Variants in ATOSA observed in about 807,000 individuals in gnomAD.
The protein encoded by ATOSA is atos homolog protein A.
At chr15:52,701,857 A>AC in the ATOSA span, among the ~76,000 whole-genome samples, 1 of 151,800 alleles carries the variant, frequency 6.6e-6, no homozygotes, top group Non-Finnish European at 1.5e-5. Context: ...AATAGAGAAG[A>AC]CCAGGGCCAA....
At chr15:52,611,741 A>G in the ATOSA span, 14 of 1,613,930 alleles carry the variant, frequency 8.7e-6, no homozygotes, top group Admixed American at 1.2e-4. Flanking sequence ...TTCCACAACA[A>G]TGTGACCTCA....
the ATOSA span, chr15:52,657,692 A>C: frequency 2.6e-5 from 4 of 152,208 alleles, no homozygotes; most frequent in Admixed American, 2.6e-4. Context: ...TTACTATCCC[A>C]GTTTTAATCA....
the ATOSA span, chr15:52,608,902 C>A: frequency 5.6e-6 from 9 of 1,608,200 alleles, no homozygotes; most frequent in Non-Finnish European, 7.6e-6. Flanking sequence ...CTGAAGATTG[C>A]CAAAGAATTT....
chr15:52,638,224 T>C, the ATOSA span, among the ~76,000 whole-genome samples: 13 of 152,232 alleles, frequency 8.5e-5, no homozygotes, highest in Non-Finnish European at 1.3e-4. Flanking sequence ...GAAGAAATTT[T>C]AAAGCAACAA....
the ATOSA span, among the ~76,000 whole-genome samples, chr15:52,637,051 A>G: frequency 6.6e-6 from 1 of 152,180 alleles, no homozygotes; most frequent in Non-Finnish European, 1.5e-5. Context: ...CACCTTACTA[A>G]GGGAAACTTA....
At chr15:52,618,666 A>T in the ATOSA span, among the ~76,000 whole-genome samples, 1 of 152,152 alleles carries the variant, frequency 6.6e-6, no homozygotes, top group Non-Finnish European at 1.5e-5. Context: ...CTGAACTGTT[A>T]AAAAAAGTAT....
chr15:52,700,913 A>G, the ATOSA span, among the ~76,000 whole-genome samples: 2 of 152,232 alleles, frequency 1.3e-5, no homozygotes, highest in Non-Finnish European at 2.9e-5. Context: ...AGTTCCCCCT[A>G]AGTTAACTTA....
At chr15:52,608,482 G>A in the ATOSA span, 1 of 1,327,364 alleles carries the variant, frequency 7.5e-7, no homozygotes, top group Non-Finnish European at 1.0e-6. Flanking sequence ...GGAACCTTGG[G>A]CCTTTATAAC....
At chr15:52,662,062 G>C in the ATOSA span, among the ~76,000 whole-genome samples, 2 of 152,068 alleles carry the variant, frequency 1.3e-5, no homozygotes, top group Admixed American at 1.3e-4. Context: ...CAAAGAGGTT[G>C]GTGATTATTC....
chr15:52,639,669 A>T, the ATOSA span, among the ~76,000 whole-genome samples: 2 of 152,218 alleles, frequency 1.3e-5, no homozygotes, highest in African/African-American at 2.4e-5. Flanking sequence ...CTTGTGGATC[A>T]ATCATGCAGT....
chr15:52,628,723 AAT>A, the ATOSA span, among the ~76,000 whole-genome samples: 13 of 152,222 alleles, frequency 8.5e-5, no homozygotes, highest in Non-Finnish European at 1.6e-4. Flanking sequence ...CAAAGAAATG[AAT>A]ATGTCATGTG....
the ATOSA span, chr15:52,586,569 C>T: frequency 6.6e-6 from 1 of 152,254 alleles, no homozygotes; most frequent in Admixed American, 6.5e-5. Context: ...GCCTTAATAT[C>T]AGATTATTCT....
At chr15:52,628,112 C>T in the ATOSA span, among the ~76,000 whole-genome samples, 11 of 152,156 alleles carry the variant, frequency 7.2e-5, no homozygotes, top group African/African-American at 2.7e-4. Context: ...TTAATTCTCT[C>T]CAGTGCTCTA....
chr15:52,599,609 T>C, the ATOSA span, among the ~76,000 whole-genome samples: 1 of 152,204 alleles, frequency 6.6e-6, no homozygotes. Context: ...AAACCCATGA[T>C]TTCTACTTGA....
At chr15:52,591,780 T>A in the ATOSA span, among the ~76,000 whole-genome samples, 1 of 152,218 alleles carries the variant, frequency 6.6e-6, no homozygotes, top group African/African-American at 2.4e-5. Context: ...TTCAAAATAA[T>A]TCTGGAAAAG....
the ATOSA span, chr15:52,582,324 A>G: frequency 6.5e-7 from 1 of 1,546,420 alleles, no homozygotes; most frequent in Non-Finnish European, 8.7e-7. Flanking sequence ...AAATAAACAA[A>G]ATATAAAACA....
chr15:52,681,351 A>G, the ATOSA span, among the ~76,000 whole-genome samples: 30 of 152,332 alleles, frequency 2.0e-4, no homozygotes, highest in East Asian at 5.4e-3. Context: ...AAGGTCACCA[A>G]AACCAGATAG....
chr15:52,639,472 G>A, the ATOSA span, among the ~76,000 whole-genome samples: 1 of 152,150 alleles, frequency 6.6e-6, no homozygotes, highest in African/African-American at 2.4e-5. Flanking sequence ...AGTATCTAGT[G>A]AGTAGTAAAA....
At chr15:52,605,066 G>T in the ATOSA span, 1 of 1,030,314 alleles carries the variant, frequency 9.7e-7, no homozygotes, top group Non-Finnish European at 1.4e-6. Flanking sequence ...AAATTTGAAT[G>T]AAATTATTTG....
Sources: gnomAD v4.1 joint callset for allele counts (sites outside exome capture counted in the v4.1 genomes callset) on GRCh38, gnomAD v4.1.1 for gene constraint, MANE v1.5 for transcripts, NCBI Gene and HGNC (gene_info 2026-07-23, HGNC 2026-07-21) for gene names.